SFMBT2: variants seen among roughly 807,000 people sequenced by gnomAD.
The protein encoded by SFMBT2 is Scm like with four mbt domains 2.
Under a neutral mutation model 110.1 loss-of-function variants are expected in SFMBT2, and 38 were observed. The observed-to-expected ratio is 0.35, with a 90% CI of 0.27 to 0.45. SFMBT2 has a LOEUF of 0.45. Ranked by LOEUF, SFMBT2 falls within the 20% of genes least tolerant of loss-of-function variation. SFMBT2 has a pLI of 1.00. For missense variants in SFMBT2, 1,011 were observed against 1,094.9 expected, an observed-to-expected ratio of 0.92 and a Z score of 1.08; for synonymous variants, 425 against 425.4, an observed-to-expected ratio of 1.00 and a Z score of 0.01.
chr10:7,366,084 G>A (rs778121894), intron 4 of SFMBT2, among the ~76,000 whole-genome samples: 1 of 152,176 alleles, frequency 6.6e-6, no homozygotes, highest in Non-Finnish European at 1.5e-5. Context: ...AGCACAGACA[G>A]TGTCAACCTT....
At chr10:7,360,150 C>T (rs1210215151) in intron 4 of SFMBT2, among the ~76,000 whole-genome samples, 1 of 152,144 alleles carries the variant, frequency 6.6e-6, no homozygotes, top group Non-Finnish European at 1.5e-5. Context: ...GTGATTCATT[C>T]ATTCACTGTT....
intron 5 of SFMBT2, 186 bp from the exon 6 acceptor site, chr10:7,284,336 C>A: frequency 5.7e-6 from 8 of 1,406,650 alleles, no homozygotes; most frequent in Non-Finnish European, 7.4e-6. Flanking sequence ...CCCTCCCACA[C>A]ATCCATGTAC....
chr10:7,327,204 T>C (rs1843414132), intron 4 of SFMBT2, among the ~76,000 whole-genome samples: 1 of 152,042 alleles, frequency 6.6e-6, no homozygotes, highest in African/African-American at 2.4e-5. Context: ...AATAATAAGA[T>C]TGTTTAATTT....
chr10:7,360,472 A>C lies in SFMBT2; in HGVS notation c.436+7177T>G, dbSNP rs375200961. Among the ~76,000 whole-genome samples, 29 of 152,208 alleles carry C rather than the reference A, an allele frequency of 1.9e-4. No homozygotes were observed. In the South Asian group the frequency reaches 6.0e-3, roughly 32 times the overall value. ...ACAGAATGAGACCCTGTCTCAAAAA[A>C]ATAAAAATAAAAAAGAGAGTGTGTG... On this transcript the variant is annotated intron_variant, in intron 4 of 20. Coordinates refer to ENST00000397167, the MANE Select transcript of SFMBT2 (RefSeq NM_001387889.1).
chr10:7,257,485 T>C (rs1841062768), intron 7 of SFMBT2, among the ~76,000 whole-genome samples: 1 of 152,158 alleles, frequency 6.6e-6, no homozygotes, highest in African/African-American at 2.4e-5. Flanking sequence ...GCAACTCATG[T>C]CTCTGGCAGG....
intron 2 of SFMBT2, among the ~76,000 whole-genome samples, chr10:7,374,609 C>G (rs1404568452): frequency 6.6e-6 from 1 of 152,166 alleles, no homozygotes; most frequent in South Asian, 2.1e-4. Flanking sequence ...GTCAAGTTAA[C>G]CAGGAGGTCA....
chr10:7,200,724 C>T (rs1025828478), intron 13 of SFMBT2, among the ~76,000 whole-genome samples: 4 of 152,244 alleles, frequency 2.6e-5, no homozygotes, highest in Non-Finnish European at 5.9e-5. Context: ...CCCTGAGCAG[C>T]TGGTCCTGAT....
At chr10:7,348,337 C>T (rs1001181550) in intron 4 of SFMBT2, 133 of 1,520,850 alleles carry the variant, frequency 8.7e-5, no homozygotes, top group Non-Finnish European at 1.1e-4. Context: ...CTCTCTACTA[C>T]AAAAAAATAA....
intron 10 of SFMBT2, among the ~76,000 whole-genome samples, chr10:7,224,153 T>G (rs959336974): frequency 6.6e-6 from 1 of 152,240 alleles, no homozygotes; most frequent in Non-Finnish European, 1.5e-5. Flanking sequence ...TTAAATGTTA[T>G]GTTGTGGCGA....
chr10:7,261,770 C>G (rs2131775863), intron 7 of SFMBT2, among the ~76,000 whole-genome samples: 1 of 152,350 alleles, frequency 6.6e-6, no homozygotes, highest in Non-Finnish European at 1.5e-5. Flanking sequence ...AAAGGTTTAT[C>G]TGACATGTTC....
chr10:7,388,189 G>C (rs1484305758), intron 1 of SFMBT2, among the ~76,000 whole-genome samples: 1 of 151,426 alleles, frequency 6.6e-6, no homozygotes, highest in East Asian at 1.9e-4. Flanking sequence ...TTCCTGCCCT[G>C]GTAGAGATCT....
intron 7 of SFMBT2, among the ~76,000 whole-genome samples, chr10:7,255,073 A>G (rs893699627): frequency 2.0e-5 from 3 of 152,212 alleles, no homozygotes; most frequent in Admixed American, 6.5e-5. Flanking sequence ...GAAAAGATGC[A>G]GCTATTCTCA....
chr10:7,197,469 C>A lies in SFMBT2; in HGVS notation c.1698+79G>T, dbSNP rs147521073. On this transcript the variant is annotated intron_variant, in intron 15 of 20. Coordinates refer to ENST00000397167, the MANE Select transcript of SFMBT2 (RefSeq NM_001387889.1). Reference sequence around the variant, plus strand: ...AGCTGAACTGCTTCCAATGCCTATTCCCTCCTTCAGAAACTGAGCCCACAG... The same window carrying A: ...AGCTGAACTGCTTCCAATGCCTATTACCTCCTTCAGAAACTGAGCCCACAG... 2,029 of 1,555,830 alleles carry A rather than the reference C, an allele frequency of 1.3e-3. 30 individuals carry two copies. In the African/African-American group the frequency reaches 0.025, roughly 19 times the overall value.
chr10:7,264,937 G>GAAA (rs35999336), intron 7 of SFMBT2, among the ~76,000 whole-genome samples: 4 of 95,216 alleles, frequency 4.2e-5, no homozygotes, highest in Admixed American at 1.1e-4. Context: ...TAAAAAAGAG[G>GAAA]AAAAAAAAAA....
chr10:7,305,290 T>G (rs1378159068), intron 4 of SFMBT2, among the ~76,000 whole-genome samples: 3 of 152,244 alleles, frequency 2.0e-5, no homozygotes, highest in African/African-American at 4.8e-5. Flanking sequence ...TTGAAGCCAG[T>G]GTGCTAGATT....
intron 20 of SFMBT2, among the ~76,000 whole-genome samples, chr10:7,164,784 CACACACACCATTTACAG>C (rs1564361617): frequency 6.7e-6 from 1 of 148,360 alleles, no homozygotes; most frequent in African/African-American, 2.6e-5. Context: ...CACACACACA[CACACACACCATTTACAG>C]ACACACACTC....
At position 7,189,183 on chromosome 10, in the gene SFMBT2, A is replaced by G. The variant is rs1057267389; in HGVS notation, c.1699-450T>C. ...GCCAACACTTCTGGAGAGGCTTCACATGCTTGCAAGGAGGGTAACAAATTG... is the reference window on the plus strand; with the variant it reads ...GCCAACACTTCTGGAGAGGCTTCACGTGCTTGCAAGGAGGGTAACAAATTG... On this transcript the variant is annotated intron_variant, in intron 15 of 20. Coordinates refer to ENST00000397167, the MANE Select transcript of SFMBT2 (RefSeq NM_001387889.1). The G allele has an allele frequency of 4.2e-5, 41 of 985,318 alleles. No individual in the cohort carries two copies. The African/African-American group carries it at 6.1e-4, about 15-fold the overall frequency. 61.0% of individuals were successfully genotyped at this position (985,318 alleles called of 1,614,324 possible). A position where few individuals can be genotyped will look rare whatever the true frequency, so the allele number is the denominator to read the frequency against.
In SFMBT2 at chr10:7,158,749, A is replaced by G. The variant is rs1837476898; in HGVS notation, c.*5021T>C. 1 of 152,190 alleles carries G rather than the reference A, an allele frequency of 6.6e-6. No homozygotes were observed. The highest frequency in any genetic ancestry group is 1.5e-5 in the Non-Finnish European group (1 of 68,022). The allele number at this position is 152,190 out of a possible 1,614,324, so 9.4% of individuals were successfully genotyped here. On this transcript the variant is annotated 3_prime_UTR_variant, in exon 21 of 21. Transcript: ENST00000397167. ...TAGATTTTCATTTATTTACATGAAA[A>G]CATATATACAGAATACAATCTTACA...
intron 2 of SFMBT2, among the ~76,000 whole-genome samples, chr10:7,372,716 C>T (rs1309897701): frequency 6.6e-6 from 1 of 152,254 alleles, no homozygotes; most frequent in Non-Finnish European, 1.5e-5. Context: ...CTGGGCACCT[C>T]TTACCAAATT....
Sources: allele counts gnomAD v4.1 joint callset (sites outside exome capture counted in the v4.1 genomes callset), GRCh38; gene constraint gnomAD v4.1.1; transcripts MANE v1.5; gene names NCBI Gene and HGNC (gene_info 2026-07-23, HGNC 2026-07-21).